MID1: variants seen among roughly 807,000 people sequenced by gnomAD.
The protein encoded by MID1 is E3 ubiquitin-protein ligase Midline-1.
Under a neutral mutation model 40.4 loss-of-function variants are expected in MID1, and 7 were observed. The ratio of observed to expected loss-of-function variants is 0.17; its 90% CI spans 0.10 to 0.33. The LOEUF (loss-of-function observed/expected upper bound fraction) is 0.33. Ranked by LOEUF, MID1 falls within the 10% of genes least tolerant of loss-of-function variation. MID1 has a pLI of 1.00. For missense variants in MID1, 367 were observed against 558.5 expected, an observed-to-expected ratio of 0.66 and a Z score of 3.46; for synonymous variants, 229 against 221.2, an observed-to-expected ratio of 1.04 and a Z score of -0.31.
intron 5 of MID1, among the ~76,000 whole-genome samples, chrX:10,479,669 G>A (rs1930210825): frequency 8.9e-6 from 1 of 112,098 alleles, no homozygotes; most frequent in East Asian, 2.8e-4. Context: ...CAAATAACTA[G>A]ATCTCATCCT....
At chrX:10,571,989 G>A (rs993466242) in intron 1 of MID1, among the ~76,000 whole-genome samples, 2 of 109,501 alleles carry the variant, frequency 1.8e-5, no homozygotes, top group African/African-American at 6.7e-5. Flanking sequence ...GAGACAGGGA[G>A]AAGCTTCCTG....
chrX:10,617,945 A>G (rs1291303366), intron 1 of MID1, among the ~76,000 whole-genome samples: 1 of 112,676 alleles, frequency 8.9e-6, no homozygotes, highest in East Asian at 2.8e-4. Context: ...AGGAACCCTC[A>G]AAGAATACTA....
intron 3 of MID1, among the ~76,000 whole-genome samples, chrX:10,515,747 A>G (rs1932366623): frequency 8.9e-6 from 1 of 112,000 alleles, no homozygotes; most frequent in African/African-American, 3.2e-5. Flanking sequence ...GTTCTTGGCC[A>G]TCATCTTTAG....
At chrX:10,579,864 C>A (rs1934964432) in intron 1 of MID1, among the ~76,000 whole-genome samples, 2 of 107,758 alleles carry the variant, frequency 1.9e-5, no homozygotes, top group Non-Finnish European at 3.8e-5. Flanking sequence ...TGTAAAGCAC[C>A]ACATGAAAGA....
intron 1 of MID1, among the ~76,000 whole-genome samples, chrX:10,579,576 T>C (rs1243481848): frequency 9.0e-6 from 1 of 111,694 alleles, no homozygotes. Context: ...TTCTCTCAAA[T>C]ATGATGCCTC....
chrX:10,740,277 C>G (rs1435663777), intron 1 of MID1, among the ~76,000 whole-genome samples: 1 of 112,882 alleles, frequency 8.9e-6, no homozygotes, highest in Non-Finnish European at 1.9e-5. Context: ...GCTACACGTC[C>G]ACGTGGAATT....
intron 1 of MID1, among the ~76,000 whole-genome samples, chrX:10,798,216 T>C (rs1457672819): frequency 8.9e-6 from 1 of 112,266 alleles, no homozygotes; most frequent in Non-Finnish European, 1.9e-5. Flanking sequence ...GCAGGATTCC[T>C]CTCTCTGCTC....
intron 1 of MID1, among the ~76,000 whole-genome samples, chrX:10,575,031 T>C (rs971094360): frequency 2.7e-5 from 3 of 112,415 alleles, no homozygotes; most frequent in Non-Finnish European, 5.6e-5. Flanking sequence ...ACGAAAATGG[T>C]TTCAGAACAG....
intron 1 of MID1, among the ~76,000 whole-genome samples, chrX:10,594,974 C>A (rs764859475): frequency 1.3e-4 from 15 of 111,600 alleles, no homozygotes; most frequent in Non-Finnish European, 2.6e-4. Context: ...TTTTTTGGAG[C>A]TTTCCTTCAT....
chrX:10,667,148 G>T (rs748281672), intron 1 of MID1, among the ~76,000 whole-genome samples: 22 of 111,411 alleles, frequency 2.0e-4, no homozygotes, highest in Non-Finnish European at 2.8e-4. Context: ...CTGGCCCAAT[G>T]CCTCACATTT....
At chrX:10,555,990 G>T (rs769599582) in intron 2 of MID1, among the ~76,000 whole-genome samples, 1 of 109,145 alleles carries the variant, frequency 9.2e-6, no homozygotes, top group African/African-American at 3.3e-5. Context: ...AGCCCCAGTC[G>T]ATACCGAAGT....
chrX:10,474,966 T>C (rs1050966761), intron 5 of MID1: 7 of 462,026 alleles, frequency 1.5e-5, no homozygotes, highest in Non-Finnish European at 2.7e-5. Context: ...AACAACAAAA[T>C]GGCTTGCCCT....
intron 3 of MID1, among the ~76,000 whole-genome samples, chrX:10,512,770 T>C (rs1295939614): frequency 3.6e-5 from 4 of 112,185 alleles, no homozygotes; most frequent in East Asian, 5.6e-4. Flanking sequence ...TAGACCACTA[T>C]ATAGTTTTCA....
intron 1 of MID1, among the ~76,000 whole-genome samples, chrX:10,789,167 C>T (rs1395181236): frequency 9.1e-6 from 1 of 110,424 alleles, no homozygotes; most frequent in East Asian, 2.8e-4. Flanking sequence ...CACCCCAGCC[C>T]GGGTGACAGA....
chrX:10,592,389 C>T (rs1161076660), intron 1 of MID1, among the ~76,000 whole-genome samples: 1 of 106,552 alleles, frequency 9.4e-6, no homozygotes, highest in Non-Finnish European at 1.9e-5. Flanking sequence ...TATCATTTCT[C>T]GTATAAATTG....
chrX:10,676,583 GAA>G (rs1199774471), intron 1 of MID1, among the ~76,000 whole-genome samples: 1 of 111,768 alleles, frequency 8.9e-6, no homozygotes, highest in African/African-American at 3.3e-5. Flanking sequence ...TCTGAAAGCT[GAA>G]GTCTTCCTTC....
chrX:10,597,046 AAGAG>A (rs1253075432), intron 1 of MID1, among the ~76,000 whole-genome samples: 12 of 110,744 alleles, frequency 1.1e-4, no homozygotes, highest in Non-Finnish European at 1.3e-4. Context: ...GGCAAAAAAA[AAGAG>A]AGAGAGAGAG....
At chrX:10,476,732 C>T (rs1415122042) in intron 5 of MID1, among the ~76,000 whole-genome samples, 1 of 111,418 alleles carries the variant, frequency 9.0e-6, no homozygotes, top group Non-Finnish European at 1.9e-5. Context: ...AATCTAACTG[C>T]ATCTCCTGAC....
intron 1 of MID1, among the ~76,000 whole-genome samples, chrX:10,571,155 TAGTGCTTTATGCA>T (rs1934711594): frequency 8.9e-6 from 1 of 112,580 alleles, no homozygotes; most frequent in Admixed American, 9.4e-5. Context: ...GCACCTGGCA[TAGTGCTTTATGCA>T]AGTGTCTGTA....
Sources: gnomAD v4.1 joint callset for allele counts (sites outside exome capture counted in the v4.1 genomes callset) on GRCh38, gnomAD v4.1.1 for gene constraint, MANE v1.5 for transcripts, NCBI Gene and HGNC (gene_info 2026-07-23, HGNC 2026-07-21) for gene names.